TMEM220: variants seen among roughly 807,000 people sequenced by gnomAD.
TMEM220 encodes transmembrane protein 220.
TMEM220 carries 21 observed loss-of-function variants against 21.7 expected under a neutral mutation model. That is an observed-to-expected ratio of 0.97 (90% CI 0.69 to 1.39). TMEM220 has a LOEUF of 1.39. TMEM220 is among the 40% of genes most tolerant of loss of function. The pLI, the probability that TMEM220 is intolerant of heterozygous loss-of-function variation, is 0.00. For missense variants in TMEM220, 191 were observed against 201.9 expected (o/e 0.95, Z 0.33); for synonymous variants, 80 against 73.6 (o/e 1.09, Z -0.45).
rs2151485207 is a variant in TMEM220, at chr17:10,729,936, G to C, written c.-85C>G. 2.4e-6 allele frequency: 3 copies of C among 1,234,466 alleles called. No individual in the cohort carries two copies. Among genetic ancestry groups the C allele is most frequent in the Non-Finnish European group, 3.0e-6 (3 of 988,282 alleles). 76.5% of individuals were successfully genotyped at this position (1,234,466 alleles called of 1,614,324 possible). ...CCACGTACGGTCCGCCTTCCTCCTT[G>C]CGCGGAGGGACCGAGACCCCCGCCT... On this transcript the variant is annotated 5_prime_UTR_variant, in exon 1 of 6. Coordinates refer to ENST00000341871, the MANE Select transcript of TMEM220 (RefSeq NM_001004313.3).
chr17:10,716,651 G>C (rs2074925554), intron 5 of TMEM220: 2 of 383,104 alleles, frequency 5.2e-6, no homozygotes, highest in East Asian at 6.3e-5. Context: ...TGGAAAGTAG[G>C]GGTTGTTTCA....
intron 3 of TMEM220, 90 bp downstream of exon 3, chr17:10,726,114 G>A (rs375194924): frequency 6.9e-5 from 73 of 1,059,096 alleles, no homozygotes; most frequent in Non-Finnish European, 8.8e-5. Context: ...AGAGAGCCCC[G>A]TTTTACTCCT....
At chr17:10,723,463 T>C (rs2075016265) in intron 4 of TMEM220, 134 bp from the exon 5 acceptor site, 3 of 703,180 alleles carry the variant, frequency 4.3e-6, no homozygotes, top group Non-Finnish European at 7.8e-6. Flanking sequence ...ATGGCATCGA[T>C]GGAATATTTT....
At chr17:10,729,575 G>C (rs201664059) in intron 1 of TMEM220, among the ~76,000 whole-genome samples, 3 of 152,154 alleles carry the variant, frequency 2.0e-5, no homozygotes, top group East Asian at 1.9e-4. Flanking sequence ...TGTGAGCCCT[G>C]GTATGGGACT....
intron 5 of TMEM220, among the ~76,000 whole-genome samples, chr17:10,721,228 C>CA (rs2074984522): frequency 1.3e-5 from 2 of 152,142 alleles, no homozygotes; most frequent in Admixed American, 6.6e-5. Flanking sequence ...AATTCAGGAG[C>CA]AGACCTGAAT....
At chr17:10,725,247 C>G in intron 3 of TMEM220, 113 bp from the exon 4 acceptor site, 1 of 1,424,780 alleles carries the variant, frequency 7.0e-7, no homozygotes, top group Non-Finnish European at 9.5e-7. Flanking sequence ...CATTCAGACT[C>G]CCTCAGCCCC....
downstream of TMEM220, among the ~76,000 whole-genome samples, chr17:10,711,672 GA>G (rs1269597737): frequency 2.0e-5 from 3 of 152,210 alleles, no homozygotes; most frequent in Non-Finnish European, 2.9e-5. Flanking sequence ...AGGGCCTCCA[GA>G]AAAGTCATGT....
intron 5 of TMEM220, among the ~76,000 whole-genome samples, chr17:10,722,312 T>G (rs949601491): frequency 1.3e-5 from 2 of 152,198 alleles, no homozygotes; most frequent in African/African-American, 4.8e-5. Flanking sequence ...GGGTTTTTAA[T>G]CTTTTTACAT....
chr17:10,730,015 G>A lies in TMEM220; in HGVS notation c.-164C>T. On this transcript the variant is annotated 5_prime_UTR_variant, in exon 1 of 6. Coordinates refer to ENST00000341871, the MANE Select transcript of TMEM220 (RefSeq NM_001004313.3). ...TGGCCGTCGCTCCGCCCGGGGGCGG[G>A]GAGCGAAGGGCGTGGGTGTAGCCCC... 2 of 1,216,732 alleles carry A rather than the reference G, an allele frequency of 1.6e-6. No individual in the cohort carries two copies. Among genetic ancestry groups the A allele is most frequent in the Middle Eastern group, 3.1e-4 (1 of 3,220 alleles). The allele number at this position is 1,216,732 out of a possible 1,614,324, so 75.4% of individuals were successfully genotyped here. A position where few individuals can be genotyped will look rare whatever the true frequency, so the allele number is the denominator to read the frequency against.
downstream of TMEM220, among the ~76,000 whole-genome samples, chr17:10,711,510 T>A (rs2074853218): frequency 6.6e-6 from 1 of 152,258 alleles, no homozygotes; most frequent in Non-Finnish European, 1.5e-5. Context: ...GGTAAGCTTT[T>A]TCTATTCACC....
chr17:10,719,504 A>T (rs75346460), intron 5 of TMEM220, among the ~76,000 whole-genome samples: 5,446 of 152,158 alleles, frequency 0.036, 321 homozygotes, highest in African/African-American at 0.12. Flanking sequence ...TGGACTTGTG[A>T]TCTGCCCGCC....
chr17:10,715,809 T>C (rs550451105), intron 5 of TMEM220, among the ~76,000 whole-genome samples: 122 of 152,340 alleles, frequency 8.0e-4, no homozygotes, highest in Non-Finnish European at 2.6e-4. Context: ...TGATGTCTTT[T>C]GAGGAAGAGA....
rs1460435073 is a variant in TMEM220, at chr17:10,714,192, T to TTGA, written c.*1260_*1261insTCA. The TTGA allele has an allele frequency of 3.9e-5, 6 of 152,242 alleles. No individual in the cohort carries two copies. Among genetic ancestry groups the TTGA allele is most frequent in the Non-Finnish European group, 8.8e-5 (6 of 68,046 alleles). The allele number at this position is 152,242 out of a possible 1,614,324, so 9.4% of individuals were successfully genotyped here. On this transcript the variant is annotated 3_prime_UTR_variant, in exon 6 of 6. Coordinates refer to ENST00000341871, the MANE Select transcript of TMEM220 (RefSeq NM_001004313.3). ...TTTTCTGTTCTTTTTCTACCATGTCTTTAAAATCCAGTGTATTTTACATTT... is the reference window on the plus strand; with the variant it reads ...TTTTCTGTTCTTTTTCTACCATGTCTTGATTAAAATCCAGTGTATTTTACATTT...
Position 10,729,788 on chromosome 17 carries a change from A to G in TMEM220, c.64T>C (p.Leu22=). The G allele has an allele frequency of 7.1e-7, 1 of 1,412,228 alleles. No homozygotes were observed. The highest frequency in any genetic ancestry group is 9.3e-7 in the Non-Finnish European group (1 of 1,075,772). 87.5% of individuals were successfully genotyped at this position (1,412,228 alleles called of 1,614,324 possible). Residue 22 remains leucine (L), a synonymous_variant, in exon 1 of 6, where the codon TTG becomes CTG. Transcript: ENST00000341871. ...LMAAFFALAA[L]VQVNDPDAEV... ...CACCGCGGCCGCCTGACCTGCACCAAGGCCGCCAGCGCGAAGAAGGCGGCC... is the reference window on the plus strand; with the variant it reads ...CACCGCGGCCGCCTGACCTGCACCAGGGCCGCCAGCGCGAAGAAGGCGGCC...
intron 5 of TMEM220, chr17:10,716,652 G>T: frequency 1.6e-5 from 6 of 380,828 alleles, no homozygotes; most frequent in South Asian, 4.8e-5. Context: ...GGAAAGTAGG[G>T]GTTGTTTCAC....
chr17:10,718,296 A>G (rs1413000313), intron 5 of TMEM220, among the ~76,000 whole-genome samples: 2 of 152,076 alleles, frequency 1.3e-5, no homozygotes, highest in Non-Finnish European at 2.9e-5. Context: ...TTATAGTAGT[A>G]TTCTCTTTTT....
At chr17:10,723,594 T>TC (rs954230084) in intron 4 of TMEM220, among the ~76,000 whole-genome samples, 6 of 152,092 alleles carry the variant, frequency 3.9e-5, no homozygotes, top group African/African-American at 1.4e-4. Flanking sequence ...TATAAGTGGA[T>TC]CCCCCCAAAA....
intron 5 of TMEM220, among the ~76,000 whole-genome samples, chr17:10,718,929 T>G (rs1205313540): frequency 2.0e-5 from 3 of 152,258 alleles, no homozygotes; most frequent in Non-Finnish European, 4.4e-5. Flanking sequence ...TATTGTGTGG[T>G]TAAAATCTTT....
chr17:10,713,186 A>C (rs1377084532), downstream of TMEM220: 2 of 151,280 alleles, frequency 1.3e-5, no homozygotes, highest in African/African-American at 4.9e-5. Context: ...CAGGAGAATC[A>C]CTTGAACCCA....
Sources: allele counts gnomAD v4.1 joint callset (sites outside exome capture counted in the v4.1 genomes callset), GRCh38; gene constraint gnomAD v4.1.1; transcripts MANE v1.5; gene names NCBI Gene and HGNC (gene_info 2026-07-23, HGNC 2026-07-21).